The following ATP12A variants were observed in gnomAD, a reference collection of about 807,000 sequenced individuals.
ATP12A encodes potassium-transporting ATPase alpha chain 2.
Under a neutral mutation model 111.2 loss-of-function variants are expected in ATP12A, and 81 were observed. The observed-to-expected ratio is 0.73, with a 90% CI of 0.61 to 0.88. The LOEUF is 0.88. Ranked by LOEUF, ATP12A falls within the 40% of genes least tolerant of loss-of-function variation. The pLI is 0.00. For missense variants in ATP12A, 1,196 were observed against 1,313.1 expected, an observed-to-expected ratio of 0.91 and a Z score of 1.38; for synonymous variants, 498 against 499.8, an observed-to-expected ratio of 1.00 and a Z score of 0.05.
chr13:24,681,630 T>TG lies in ATP12A; in HGVS notation c.80dup (p.Lys28GlnfsTer5). 1 of 1,614,188 alleles carries TG rather than the reference T, an allele frequency of 6.2e-7. No homozygotes were observed. Among genetic ancestry groups the TG allele is most frequent in the Admixed American group, 1.7e-5 (1 of 60,024 alleles). On this transcript the variant is annotated frameshift_variant, in exon 2 of 23. Transcript: ENST00000381946. LOFTEE classifies it high-confidence loss of function. The stretch of plus-strand genomic sequence containing the variant: ...ACATCGTGAAAACAGACAAGGGGGA[T>TG]GGCAAGGAGAAGTATAGGGGTCTGA...
intron 5 of ATP12A, 150 bp downstream of exon 5, chr13:24,689,525 C>A: frequency 1.5e-6 from 1 of 672,696 alleles, no homozygotes; most frequent in Non-Finnish European, 2.6e-6. Context: ...TGTCAGAACC[C>A]CAGTTCCTCA....
rs753255909 is a variant in ATP12A, at chr13:24,707,367, CATT to C, written c.2428_2430del (p.Ile810del). Reference sequence around the variant, plus strand: ...AGCTGTGCCCCTTTCTGATCTACATCATTGTCGGGCTCCCCCTGCCCATTGGCA... The same window carrying C: ...AGCTGTGCCCCTTTCTGATCTACATCGTCGGGCTCCCCCTGCCCATTGGCA... On this transcript the variant is annotated inframe_deletion, in exon 17 of 23. Coordinates refer to ENST00000381946, the MANE Select transcript of ATP12A (RefSeq NM_001676.7). 1 of 1,614,254 alleles carries C rather than the reference CATT, an allele frequency of 6.2e-7. No homozygotes were observed. The highest frequency in any genetic ancestry group is 8.5e-7 in the Non-Finnish European group (1 of 1,180,040).
Position 24,691,134 on chromosome 13 carries a change from G to A in ATP12A, c.952G>A (p.Gly318Ser), listed in dbSNP as rs1462588931. ...HIVAGVAVSI[G>S]ILFFIIAVSL... ...TGTGGCAGGAGTGGCTGTCTCCATC[G>A]GCATCCTTTTCTTCATCATCGCTGT... Residue 318 changes from glycine to serine, a missense_variant, in exon 8 of 23, where the codon GGC becomes AGC. Physicochemically the swap from Gly to Ser is moderately conservative, Grantham distance 56. Coordinates refer to ENST00000381946, the MANE Select transcript of ATP12A (RefSeq NM_001676.7). 7 of 1,613,994 alleles carry A rather than the reference G, an allele frequency of 4.3e-6. No homozygotes were observed. Among genetic ancestry groups the A allele is most frequent in the East Asian group, 2.2e-5 (1 of 44,882 alleles).
intron 2 of ATP12A, among the ~76,000 whole-genome samples, chr13:24,684,891 G>A (rs1874614657): frequency 6.6e-6 from 1 of 152,166 alleles, no homozygotes; most frequent in Admixed American, 6.5e-5. Context: ...GAGGAGTTGT[G>A]CCAGCCCAGG....
rs1303552002 is a variant in ATP12A at position 24,692,576 on chromosome 13, C to T, written c.1216C>T (p.Leu406=). 3 of 1,613,994 alleles carry T rather than the reference C, an allele frequency of 1.9e-6. No individual in the cohort carries two copies. The highest frequency in any genetic ancestry group is 2.5e-6 in the Non-Finnish European group (3 of 1,179,974). Residue 406 remains leucine, a synonymous_variant, in exon 9 of 23, where the codon CTG becomes TTG. Transcript: ENST00000381946. Reference sequence around the variant, plus strand: ...CCAGAACAGGATGACAGTGGCCCATCTGTGGTTCGACAATCAGATCTTTGT... The same window carrying T: ...CCAGAACAGGATGACAGTGGCCCATTTGTGGTTCGACAATCAGATCTTTGT... ...LTQNRMTVAH[L]WFDNQIFVAD...
intron 11 of ATP12A, among the ~76,000 whole-genome samples, chr13:24,695,185 G>A (rs1875088127): frequency 6.6e-6 from 1 of 152,230 alleles, no homozygotes; most frequent in African/African-American, 2.4e-5. Context: ...TCACACAGAG[G>A]GAGTGCGGCA....
chr13:24,688,056 C>T (rs1165203634), intron 3 of ATP12A, among the ~76,000 whole-genome samples: 3 of 152,168 alleles, frequency 2.0e-5, no homozygotes, highest in Non-Finnish European at 4.4e-5. Context: ...GGAATAATGG[C>T]CCCTGCCTCA....
chr13:24,704,997 T>C (rs1593142341), intron 14 of ATP12A, among the ~76,000 whole-genome samples: 1 of 151,518 alleles, frequency 6.6e-6, no homozygotes, highest in East Asian at 1.9e-4. Flanking sequence ...TCTCTTACTT[T>C]CTTTTGTTTT....
In ATP12A at chr13:24,705,978, T is replaced by A. The variant is rs142303618; in HGVS notation, c.2019-335T>A. Among the ~76,000 whole-genome samples the A allele has an allele frequency of 7.2e-5, 11 of 152,332 alleles. No homozygotes were observed. The East Asian group carries it at 2.1e-3, about 29-fold the overall frequency. ...ATGAGCCACTGCGTTTGGCCATGAA[T>A]GGGCAGTTTTTTAACTTCCTTTTAC... On this transcript the variant is annotated intron_variant, in intron 14 of 22. Coordinates refer to ENST00000381946, the MANE Select transcript of ATP12A (RefSeq NM_001676.7).
chr13:24,689,825 A>T (rs956502594), intron 5 of ATP12A, among the ~76,000 whole-genome samples: 25 of 152,116 alleles, frequency 1.6e-4, no homozygotes, highest in African/African-American at 5.8e-4. Flanking sequence ...GGCCCAGAGA[A>T]CTGTGGGCTG....
At chr13:24,696,670 C>T (rs1238850342) in intron 11 of ATP12A, among the ~76,000 whole-genome samples, 5 of 121,780 alleles carry the variant, frequency 4.1e-5, no homozygotes, top group Non-Finnish European at 5.2e-5. Flanking sequence ...CGAGATTGCG[C>T]CACTGCAGTC....
chr13:24,691,291 G>C, intron 8 of ATP12A, 41 bp downstream of exon 8: 1 of 1,574,706 alleles, frequency 6.4e-7, no homozygotes, highest in Non-Finnish European at 8.6e-7. Flanking sequence ...TGGCCCTGTG[G>C]ACACAGCACT....
intron 17 of ATP12A, 54 bp from the exon 18 acceptor site, chr13:24,709,310 G>A: frequency 2.6e-6 from 2 of 767,744 alleles, no homozygotes; most frequent in Non-Finnish European, 3.4e-6. Flanking sequence ...CTCCCCTACT[G>A]TGGGTAGAGC....
intron 12 of ATP12A, among the ~76,000 whole-genome samples, chr13:24,700,026 C>A (rs761834402): frequency 2.0e-5 from 3 of 152,196 alleles, no homozygotes; most frequent in Non-Finnish European, 1.5e-5. Context: ...TTTCTCAAAG[C>A]CTGCTCCATT....
rs1555255705 is a variant in ATP12A, at chr13:24,708,953, G to GAAAGA, written c.2494-408_2494-404dup. On this transcript the variant is annotated intron_variant, in intron 17 of 22. Coordinates refer to ENST00000381946, the MANE Select transcript of ATP12A (RefSeq NM_001676.7). ...AGAAAGAAAGAAAGAAAGAAAGAAAGAAAGAAAGAAGGAAAGAGAAAGAGA... is the reference window on the plus strand; with the variant it reads ...AGAAAGAAAGAAAGAAAGAAAGAAAGAAAGAAAAGAAAGAAGGAAAGAGAAAGAGA... 1.3e-4 allele frequency among the ~76,000 whole-genome samples: 18 copies of GAAAGA among 137,468 alleles called. 1 individual carries two copies. Among genetic ancestry groups the GAAAGA allele is most frequent in the African/African-American group, 4.8e-4 (18 of 37,370 alleles). The allele number at this position is 137,468 out of a possible 152,430, so 90.2% of individuals were successfully genotyped here. A position where few individuals can be genotyped will look rare whatever the true frequency, so the allele number is the denominator to read the frequency against.
chr13:24,708,946 AAAGAAAGAAAGAAAGAAGG>A (rs1875818759), intron 17 of ATP12A, among the ~76,000 whole-genome samples: 4 of 100,234 alleles, frequency 4.0e-5, no homozygotes, highest in African/African-American at 9.9e-5. Context: ...AGAAAGAAAG[AAAGAAAGAAAGAAAGAAGG>A]AAAGAGAAAG....
chr13:24,709,852 A>G (rs1388519296), intron 19 of ATP12A, 24 bp downstream of exon 19: 18 of 1,612,622 alleles, frequency 1.1e-5, no homozygotes, highest in Non-Finnish European at 1.5e-5. Flanking sequence ...GCCCTGCTGC[A>G]GAGTCCACCT....
At chr13:24,680,813 G>A in intron 1 of ATP12A, 61 bp downstream of exon 1, 1 of 1,436,970 alleles carries the variant, frequency 7.0e-7, no homozygotes, top group Non-Finnish European at 9.1e-7. Context: ...CCCGGGGACC[G>A]GAGCAGGCTG....
chr13:24,681,947 G>T (rs1874457282), intron 2 of ATP12A, among the ~76,000 whole-genome samples: 1 of 146,560 alleles, frequency 6.8e-6, no homozygotes, highest in Non-Finnish European at 1.5e-5. Context: ...TGTGGTGTGT[G>T]TGTGTATGTG....
Sources: gnomAD v4.1 joint callset for allele counts (sites outside exome capture counted in the v4.1 genomes callset) on GRCh38, gnomAD v4.1.1 for gene constraint, MANE v1.5 for transcripts, NCBI Gene and HGNC (gene_info 2026-07-23, HGNC 2026-07-21) for gene names.